TAS2R1: variants seen among roughly 807,000 people sequenced by gnomAD.
TAS2R1 encodes taste 2 receptor member 1, also known as taste receptor type 2 member 1.
For synonymous variants in TAS2R1, 141 were observed against 134.2 expected (o/e 1.05, Z -0.35); for missense variants, 370 against 353.4 (o/e 1.05, Z -0.38).
the TAS2R1 span, among the ~76,000 whole-genome samples, chr5:9,787,062 G>A: frequency 9.2e-5 from 14 of 152,264 alleles, no homozygotes; most frequent in African/African-American, 3.4e-4. Context: ...TTTGGCCCAA[G>A]TTTCTCCACT....
At chr5:9,632,092 G>T (rs149809756), upstream of TAS2R1, among the ~76,000 whole-genome samples, 1 of 152,238 alleles carries the variant, frequency 6.6e-6, no homozygotes, top group East Asian at 1.9e-4. Flanking sequence ...TGAAATACAA[G>T]CATACTTCCA....
the TAS2R1 span, among the ~76,000 whole-genome samples, chr5:9,787,106 T>G: frequency 2.0e-5 from 3 of 152,172 alleles, no homozygotes; most frequent in African/African-American, 4.8e-5. Flanking sequence ...ACAGAGATGT[T>G]GCGCCATGCA....
chr5:9,704,363 GAAA>G (rs5865850), intron 1 of TAS2R1, among the ~76,000 whole-genome samples: 1 of 147,996 alleles, frequency 6.8e-6, no homozygotes, highest in South Asian at 2.2e-4. Context: ...GCTCCACTGA[GAAA>G]AAAAAAAAAT....
At chr5:9,752,889 C>A in the TAS2R1 span, among the ~76,000 whole-genome samples, 1 of 152,158 alleles carries the variant, frequency 6.6e-6, no homozygotes, top group Non-Finnish European at 1.5e-5. Context: ...CATCCTTTTT[C>A]ATGGCTGCAT....
At chr5:9,784,674 G>T in the TAS2R1 span, among the ~76,000 whole-genome samples, 1 of 152,194 alleles carries the variant, frequency 6.6e-6, no homozygotes, top group Non-Finnish European at 1.5e-5. Flanking sequence ...CAGGGTGTCC[G>T]CAGGGCCCCG....
At chr5:9,879,127 G>A in the TAS2R1 span, among the ~76,000 whole-genome samples, 1 of 152,242 alleles carries the variant, frequency 6.6e-6, no homozygotes, top group South Asian at 2.1e-4. Context: ...CAATTAAAGA[G>A]GCACTTAGTA....
At chr5:9,805,429 A>G in the TAS2R1 span, among the ~76,000 whole-genome samples, 1 of 152,054 alleles carries the variant, frequency 6.6e-6, no homozygotes, top group Non-Finnish European at 1.5e-5. Flanking sequence ...AAAACCAGGG[A>G]AAGACATAAC....
the TAS2R1 span, among the ~76,000 whole-genome samples, chr5:9,888,307 A>G: frequency 1.5e-4 from 23 of 152,172 alleles, no homozygotes; most frequent in African/African-American, 5.5e-4. Context: ...CTCTAGTTCT[A>G]CTAGAAAGCC....
At chr5:9,670,186 C>A (rs534975704) in intron 1 of TAS2R1, among the ~76,000 whole-genome samples, 1 of 151,992 alleles carries the variant, frequency 6.6e-6, no homozygotes, top group Non-Finnish European at 1.5e-5. Flanking sequence ...ATATAACCTC[C>A]CAAAATTGAA....
intron 1 of TAS2R1, among the ~76,000 whole-genome samples, chr5:9,676,211 G>A (rs1740871823): frequency 6.6e-6 from 1 of 152,154 alleles, no homozygotes; most frequent in Non-Finnish European, 1.5e-5. Context: ...ACTTGGTCAT[G>A]AGTATGATAC....
chr5:9,893,598 T>C, the TAS2R1 span, among the ~76,000 whole-genome samples: 1 of 150,516 alleles, frequency 6.6e-6, no homozygotes, highest in Non-Finnish European at 1.5e-5. Flanking sequence ...AATACATACT[T>C]GTAATAAAAA....
At chr5:9,761,414 GAA>G in the TAS2R1 span, among the ~76,000 whole-genome samples, 1 of 114,946 alleles carries the variant, frequency 8.7e-6, no homozygotes, top group Admixed American at 8.9e-5. Flanking sequence ...TCAAGTCCCA[GAA>G]AAAAAAAAAA....
intron 1 of TAS2R1, among the ~76,000 whole-genome samples, chr5:9,675,199 T>C (rs1008501398): frequency 6.6e-6 from 1 of 150,472 alleles, no homozygotes; most frequent in Non-Finnish European, 1.5e-5. Flanking sequence ...AGTGGAGAGA[T>C]AGTCTATGTT....
chr5:9,742,708 T>A, the TAS2R1 span, among the ~76,000 whole-genome samples: 1 of 152,218 alleles, frequency 6.6e-6, no homozygotes, highest in Non-Finnish European at 1.5e-5. Context: ...ACATGCCACA[T>A]TTAAATAACC....
the TAS2R1 span, among the ~76,000 whole-genome samples, chr5:9,868,320 A>G: frequency 5.9e-5 from 9 of 152,330 alleles, no homozygotes; most frequent in African/African-American, 2.2e-4. Flanking sequence ...AGACATTTCC[A>G]TACATCCTCT....
At chr5:9,706,447 A>G (rs1383618738) in intron 1 of TAS2R1, among the ~76,000 whole-genome samples, 1 of 152,252 alleles carries the variant, frequency 6.6e-6, no homozygotes, top group East Asian at 1.9e-4. Flanking sequence ...CTCAGAGGCC[A>G]CAGCGTCATT....
At chr5:9,898,306 T>C in the TAS2R1 span, among the ~76,000 whole-genome samples, 1 of 152,122 alleles carries the variant, frequency 6.6e-6, no homozygotes, top group South Asian at 2.1e-4. Context: ...GATTTTAAAG[T>C]ACTTCCAATT....
At chr5:9,838,107 C>T in the TAS2R1 span, among the ~76,000 whole-genome samples, 7,798 of 152,244 alleles carry the variant, frequency 0.051, 284 homozygotes, top group East Asian at 0.19. Context: ...AGTCTCCAAA[C>T]CAGGATGATG....
rs1219436992 is a variant in TAS2R1 at position 9,628,993 on chromosome 5, A to G, written c.*140T>C. On this transcript the variant is annotated 3_prime_UTR_variant, in exon 1 of 1. Transcript: ENST00000382492. ...TTGAAAAAGTAGCATATCCACAGAA[A>G]TACCTCAGGCTGGATAAACAGGCCT... 1 of 850,678 alleles carries G rather than the reference A, an allele frequency of 1.2e-6. No individual in the cohort carries two copies. Among genetic ancestry groups the G allele is most frequent in the Non-Finnish European group, 1.7e-6 (1 of 590,938 alleles). The allele number at this position is 850,678 out of a possible 1,614,324, so 52.7% of individuals were successfully genotyped here.
Sources: allele counts gnomAD v4.1 joint callset (sites outside exome capture counted in the v4.1 genomes callset), GRCh38; gene constraint gnomAD v4.1.1; transcripts MANE v1.5; gene names NCBI Gene and HGNC (gene_info 2026-07-23, HGNC 2026-07-21).